ARHGEF18: variants seen among roughly 807,000 people sequenced by gnomAD.
ARHGEF18 encodes the protein rho guanine nucleotide exchange factor 18.
Under a neutral mutation model 155.7 loss-of-function variants are expected in ARHGEF18, and 93 were observed. That is an observed-to-expected ratio of 0.60 (90% CI 0.50 to 0.71). ARHGEF18 has a LOEUF of 0.71. ARHGEF18 is among the 30% of genes least tolerant of loss of function. The pLI is 0.00. For synonymous variants in ARHGEF18, 742 were observed against 753.1 expected (o/e 0.99, Z 0.24); for missense variants, 1,593 against 1,816.1 (o/e 0.88, Z 2.23).
At chr19:7,425,861 A>G in intron 10 of ARHGEF18, among the ~76,000 whole-genome samples, 1 of 151,852 alleles carries the variant, frequency 6.6e-6, no homozygotes, top group East Asian at 1.9e-4. Flanking sequence ...TTAGCCAGAC[A>G]TATTGGTGTG....
intron 10 of ARHGEF18, among the ~76,000 whole-genome samples, chr19:7,411,031 A>G (rs1306935278): frequency 6.6e-6 from 1 of 151,972 alleles, no homozygotes; most frequent in African/African-American, 2.4e-5. Flanking sequence ...CATCTGCAAT[A>G]TCTATAGGTG....
chr19:7,461,460 G>A (rs531374101), intron 20 of ARHGEF18, among the ~76,000 whole-genome samples: 101 of 152,288 alleles, frequency 6.6e-4, no homozygotes, highest in South Asian at 1.2e-3. Flanking sequence ...TGAGGCAGGA[G>A]AATCGCTTGA....
intron 10 of ARHGEF18, among the ~76,000 whole-genome samples, chr19:7,400,937 G>A (rs1024364945): frequency 1.3e-5 from 2 of 152,170 alleles, no homozygotes; most frequent in Non-Finnish European, 2.9e-5. Context: ...AGATTACTTG[G>A]CAGGAATCTA....
In ARHGEF18 at chr19:7,395,827, G is replaced by A. The variant is rs1798463762; in HGVS notation, c.967+12624G>A. Among the ~76,000 whole-genome samples, 1 of 152,128 alleles carries A rather than the reference G, an allele frequency of 6.6e-6. No individual in the cohort carries two copies. Among genetic ancestry groups the A allele is most frequent in the South Asian group, 2.1e-4 (1 of 4,820 alleles). Reference sequence around the variant, plus strand: ...CTTTCCCCTGGTCCTTACATGTTTCGTTTTGTTTTACGTTTTTAAATTTCA... The same window carrying A: ...CTTTCCCCTGGTCCTTACATGTTTCATTTTGTTTTACGTTTTTAAATTTCA... On this transcript the variant is annotated intron_variant, in intron 10 of 28. Coordinates refer to ENST00000668164, the MANE Select transcript of ARHGEF18 (RefSeq NM_001367823.1). This position sits in a 1 kb window ranked among gnomAD's most constrained non-coding sequence, Gnocchi z 5.0.
At position 7,378,451 on chromosome 19, in the gene ARHGEF18, T is replaced by A. The variant is rs948465406; in HGVS notation, c.599T>A (p.Val200Glu). 3 of 1,233,682 alleles carry A rather than the reference T, an allele frequency of 2.4e-6. No individual in the cohort carries two copies. Among genetic ancestry groups the A allele is most frequent in the Non-Finnish European group, 1.0e-6 (1 of 988,090 alleles). The allele number at this position is 1,233,682 out of a possible 1,614,324, so 76.4% of individuals were successfully genotyped here. ...MEKDHVEPDHVLIVQQVLQEL... is the reference protein window; with the variant it reads ...MEKDHVEPDHELIVQQVLQEL... ...AAAGACCATGTGGAACCAGATCACG[T>A]GTGAGTTTCTGCCTCGTGGTGGGGG... The change falls in exon 6 of 29, where the codon GTG becomes GAG. Residue 200 changes from valine (V) to glutamate (E), a missense_variant and splice_region_variant. Transcript: ENST00000668164.
At chr19:7,373,477 G>GTTTT (rs369561919) in intron 3 of ARHGEF18, among the ~76,000 whole-genome samples, 32 of 95,658 alleles carry the variant, frequency 3.3e-4, no homozygotes, top group African/African-American at 1.6e-3. Context: ...TTTTTTTTTT[G>GTTTT]TTTTTGTTTT....
At chr19:7,408,126 AAAAT>A (rs1972451552) in intron 10 of ARHGEF18, among the ~76,000 whole-genome samples, 1 of 152,118 alleles carries the variant, frequency 6.6e-6, no homozygotes, top group East Asian at 1.9e-4. Context: ...TAAAAATACA[AAAAT>A]TATCCAGGCA....
intron 10 of ARHGEF18, among the ~76,000 whole-genome samples, chr19:7,399,124 G>C (rs1226095841): frequency 1.3e-5 from 2 of 152,108 alleles, no homozygotes; most frequent in African/African-American, 4.8e-5. Flanking sequence ...TTATTTGTTA[G>C]GTAAACTTTA....
chr19:7,478,451 C>A, the ARHGEF18 span: 1 of 1,475,130 alleles, frequency 6.8e-7, no homozygotes, highest in East Asian at 2.4e-5. Flanking sequence ...TGGCCCCGGA[C>A]ATACAGTCTG....
In ARHGEF18 at chr19:7,449,776, A is replaced by G. The variant is rs544117268; in HGVS notation, c.1738-1373A>G. ...ACTGCAGCCTCAAACTCCTGGGCTC[A>G]AGCAAAACCTCCTGTCTCTGCTTCC... On this transcript the variant is annotated intron_variant, in intron 15 of 28. Coordinates refer to ENST00000668164, the MANE Select transcript of ARHGEF18 (RefSeq NM_001367823.1). Among the ~76,000 whole-genome samples, 89 of 152,176 alleles carry G rather than the reference A, an allele frequency of 5.8e-4. 1 individual carries two copies. The highest frequency in any genetic ancestry group is 2.0e-3 in the African/African-American group (83 of 41,510).
At chr19:7,407,961 CAAAA>C (rs71179104) in intron 10 of ARHGEF18, among the ~76,000 whole-genome samples, 71 of 48,822 alleles carry the variant, frequency 1.5e-3, no homozygotes, top group African/African-American at 7.1e-3. Context: ...GACTCCGTCT[CAAAA>C]AAAAAAAAAA....
rs900880757 is a variant in ARHGEF18, at chr19:7,386,490, G to A, written c.967+3287G>A. Among the ~76,000 whole-genome samples the A allele has an allele frequency of 1.4e-4, 22 of 151,978 alleles. No individual in the cohort carries two copies. The East Asian group carries it at 2.9e-3, about 20-fold the overall frequency. ...GCAGTCACCCCCAGGTGAGGACCAC[G>A]GCTCTCCCTCAAGTGTCCAGGGATA... On this transcript the variant is annotated intron_variant, in intron 10 of 28. Transcript: ENST00000668164.
intron 8 of ARHGEF18, among the ~76,000 whole-genome samples, chr19:7,382,487 A>G (rs1188564096): frequency 2.0e-5 from 3 of 152,108 alleles, no homozygotes; most frequent in East Asian, 1.9e-4. Flanking sequence ...GGGAGAAATC[A>G]TAAGTGAACA....
chr19:7,462,045 C>A lies in ARHGEF18; in HGVS notation c.2453-107C>A. ...CAGGACACAAGGGGGCAGCCTACCT[C>A]AGGGCAGGGCCAGCGGGGTTCCTCA... On this transcript the variant is annotated intron_variant, in intron 20 of 28. Transcript: ENST00000668164. The surrounding 1 kb of genome is among the most constrained non-coding windows in gnomAD (Gnocchi z 4.4). 1 of 1,352,126 alleles carries A rather than the reference C, an allele frequency of 7.4e-7. No individual in the cohort carries two copies. The highest frequency in any genetic ancestry group is 1.0e-6 in the Non-Finnish European group (1 of 958,724). 83.8% of individuals were successfully genotyped at this position (1,352,126 alleles called of 1,614,324 possible).
intron 10 of ARHGEF18, among the ~76,000 whole-genome samples, chr19:7,437,797 C>A (rs1974355410): frequency 6.6e-6 from 1 of 151,464 alleles, no homozygotes; most frequent in Admixed American, 6.6e-5. Context: ...GTGCCCGCCA[C>A]CATGCCCAGC....
chr19:7,414,242 C>T (rs1972864158), intron 10 of ARHGEF18, among the ~76,000 whole-genome samples: 1 of 105,892 alleles, frequency 9.4e-6, no homozygotes, highest in Admixed American at 1.1e-4. Flanking sequence ...ACCCTGGGAG[C>T]AAGAATCACC....
chr19:7,417,965 A>G (rs1216380481), intron 10 of ARHGEF18, among the ~76,000 whole-genome samples: 2 of 152,160 alleles, frequency 1.3e-5, no homozygotes, highest in African/African-American at 4.8e-5. Flanking sequence ...TGCTCTACCA[A>G]AGGAGGTGCT....
intron 10 of ARHGEF18, among the ~76,000 whole-genome samples, chr19:7,394,786 C>T (rs936808234): frequency 6.6e-6 from 1 of 152,150 alleles, no homozygotes; most frequent in African/African-American, 2.4e-5. Flanking sequence ...GCCCACCTAA[C>T]CCTGCTGCTC....
At chr19:7,450,470 G>C (rs758846554) in intron 15 of ARHGEF18, among the ~76,000 whole-genome samples, 70 of 39,476 alleles carry the variant, frequency 1.8e-3, no homozygotes, top group East Asian at 0.012. Context: ...ACAGGATCTT[G>C]CTTTCCGTTT....
Sources: allele counts gnomAD v4.1 joint callset (sites outside exome capture counted in the v4.1 genomes callset), GRCh38; gene constraint gnomAD v4.1.1; non-coding constraint Gnocchi (gnomAD v3.1); transcripts MANE v1.5; gene names NCBI Gene and HGNC (gene_info 2026-07-23, HGNC 2026-07-21).